Variants in GRM8 observed in about 807,000 individuals in gnomAD.
GRM8 encodes the protein metabotropic glutamate receptor 8.
GRM8 carries 47 observed loss-of-function variants against 87.2 expected under a neutral mutation model. The observed-to-expected ratio is 0.54, with a 90% CI of 0.43 to 0.69. The LOEUF (loss-of-function observed/expected upper bound fraction) is 0.69. GRM8 is among the 30% of genes least tolerant of loss of function. The probability of loss-of-function intolerance (pLI) is 0.00; values close to 1 mark genes in which losing one functional copy is unlikely to be tolerated. For synonymous variants in GRM8, 396 were observed against 404.5 expected, an observed-to-expected ratio of 0.98 and a Z score of 0.25; for missense variants, 1,019 against 1,139.2, an observed-to-expected ratio of 0.89 and a Z score of 1.52.
chr7:126,443,462 A>T (rs1179446299), intron 10 of GRM8, among the ~76,000 whole-genome samples: 1 of 151,950 alleles, frequency 6.6e-6, no homozygotes, highest in African/African-American at 2.4e-5. Context: ...AAAGGTTAAA[A>T]ATGGTGATCT....
chr7:126,950,306 A>T (rs912949331), intron 3 of GRM8, among the ~76,000 whole-genome samples: 1 of 152,220 alleles, frequency 6.6e-6, no homozygotes, highest in Non-Finnish European at 1.5e-5. Context: ...TTCACAATAA[A>T]AATTGAGATG....
chr7:126,606,255 C>G (rs189829640), intron 8 of GRM8, among the ~76,000 whole-genome samples: 1 of 152,086 alleles, frequency 6.6e-6, no homozygotes, highest in East Asian at 1.9e-4. Context: ...TCTAATGGGA[C>G]CTTCGCTTTG....
intron 8 of GRM8, among the ~76,000 whole-genome samples, chr7:126,569,657 C>A (rs1032872973): frequency 1.3e-5 from 2 of 152,102 alleles, no homozygotes; most frequent in African/African-American, 4.8e-5. Flanking sequence ...TAGAAGGGGC[C>A]AAGTGGTTTC....
At chr7:126,591,869 T>A (rs1475785940) in intron 8 of GRM8, among the ~76,000 whole-genome samples, 1 of 151,212 alleles carries the variant, frequency 6.6e-6, no homozygotes, top group African/African-American at 2.4e-5. Flanking sequence ...TTAACAAATT[T>A]GACAAAACTT....
intron 6 of GRM8, among the ~76,000 whole-genome samples, chr7:126,883,583 A>ACATATGTTTTATG (rs1361258782): frequency 6.6e-6 from 1 of 152,188 alleles, no homozygotes; most frequent in Non-Finnish European, 1.5e-5. Context: ...TGTTTTATGT[A>ACATATGTTTTATG]TCAAGAATAA....
chr7:126,641,200 T>C (rs2237752), intron 7 of GRM8, among the ~76,000 whole-genome samples: 46,832 of 152,054 alleles, frequency 0.31, 8,101 homozygotes, highest in East Asian at 0.43. Flanking sequence ...CCTATATTTA[T>C]GTGCTCTCTT....
intron 7 of GRM8, among the ~76,000 whole-genome samples, chr7:126,713,608 T>C (rs1486771259): frequency 3.4e-5 from 2 of 59,576 alleles, no homozygotes; most frequent in South Asian, 8.1e-4. Flanking sequence ...GAACTTAAAG[T>C]AAAAAAAAAA....
chr7:126,871,967 C>T (rs983584203), intron 6 of GRM8, among the ~76,000 whole-genome samples: 11 of 152,064 alleles, frequency 7.2e-5, no homozygotes, highest in African/African-American at 1.4e-4. Flanking sequence ...TTACGTTTGC[C>T]GGTTCTAAAC....
chr7:126,571,305 T>C (rs1794669219), intron 8 of GRM8, among the ~76,000 whole-genome samples: 1 of 152,148 alleles, frequency 6.6e-6, no homozygotes. Flanking sequence ...TTACAATCTA[T>C]TTTCCCAAAG....
At chr7:126,579,363 AG>A (rs1795397240) in intron 8 of GRM8, among the ~76,000 whole-genome samples, 1 of 152,218 alleles carries the variant, frequency 6.6e-6, no homozygotes, top group Non-Finnish European at 1.5e-5. Context: ...AAGTTTTCAA[AG>A]TATTTTCACA....
Position 126,531,614 on chromosome 7 carries a change from C to G in GRM8, c.2430+1338G>C, listed in dbSNP as rs532541564. ...TGCTCCTCAGGGGGCCTCTACAACT[C>G]TGCAATGTTATTGTTCTGAGAGAAA... On this transcript the variant is annotated intron_variant, in intron 9 of 10. Coordinates refer to ENST00000339582, the MANE Select transcript of GRM8 (RefSeq NM_000845.3). Among the ~76,000 whole-genome samples, 5 of 152,318 alleles carry G rather than the reference C, an allele frequency of 3.3e-5. No individual in the cohort carries two copies. In the South Asian group the frequency reaches 8.3e-4, roughly 25 times the overall value.
intron 3 of GRM8, among the ~76,000 whole-genome samples, chr7:126,911,144 AT>A (rs1803246903): frequency 6.6e-6 from 1 of 152,204 alleles, no homozygotes; most frequent in Non-Finnish European, 1.5e-5. Context: ...AACAGATCAT[AT>A]TTTTGAATCT....
chr7:126,977,897 A>G (rs887663408), intron 3 of GRM8, among the ~76,000 whole-genome samples: 1 of 152,354 alleles, frequency 6.6e-6, no homozygotes, highest in East Asian at 1.9e-4. Context: ...TCTTAAATTA[A>G]TAAAAATAAA....
chr7:126,709,475 GA>G (rs1196638451), intron 7 of GRM8, among the ~76,000 whole-genome samples: 1 of 151,814 alleles, frequency 6.6e-6, no homozygotes, highest in Non-Finnish European at 1.5e-5. Context: ...AAAAGAGGAA[GA>G]GGAAGAAGAA....
At chr7:126,861,917 T>A (rs1798171604) in intron 6 of GRM8, among the ~76,000 whole-genome samples, 1 of 151,930 alleles carries the variant, frequency 6.6e-6, no homozygotes, top group Admixed American at 6.6e-5. Context: ...AGCTTTTAAG[T>A]GGTTGTGGTG....
At chr7:126,655,512 A>T (rs1459611991) in intron 7 of GRM8, among the ~76,000 whole-genome samples, 6 of 150,690 alleles carry the variant, frequency 4.0e-5, no homozygotes, top group Admixed American at 4.0e-4. Context: ...TCTCTCTCTC[A>T]GTCTCAGTAT....
At chr7:126,445,371 A>T (rs2150461195) in intron 10 of GRM8, 1 of 152,170 alleles carries the variant, frequency 6.6e-6, no homozygotes, top group Non-Finnish European at 1.5e-5. Flanking sequence ...AGATACCAAG[A>T]TGGGCTTCAA....
At chr7:126,757,273 C>A (rs529963928) in intron 7 of GRM8, among the ~76,000 whole-genome samples, 26 of 151,850 alleles carry the variant, frequency 1.7e-4, no homozygotes, top group Non-Finnish European at 3.4e-4. Context: ...GTTAGGAGAG[C>A]GACTTCTTGG....
At chr7:126,802,872 G>A (rs1447882487) in intron 6 of GRM8, among the ~76,000 whole-genome samples, 1 of 152,280 alleles carries the variant, frequency 6.6e-6, no homozygotes, top group Non-Finnish European at 1.5e-5. Context: ...TGGAGACAAT[G>A]ACCACTTGGT....
Sources: allele counts gnomAD v4.1 joint callset (sites outside exome capture counted in the v4.1 genomes callset), GRCh38; gene constraint gnomAD v4.1.1; transcripts MANE v1.5; gene names NCBI Gene and HGNC (gene_info 2026-07-23, HGNC 2026-07-21).